Variants in FAM3B observed in about 807,000 individuals in gnomAD.
FAM3B encodes the protein protein FAM3B.
In FAM3B, 29 loss-of-function variants were observed where a neutral mutation model predicts 28.4. The ratio of observed to expected loss-of-function variants is 1.02; its 90% confidence interval spans 0.76 to 1.39. The LOEUF (loss-of-function observed/expected upper bound fraction) is 1.39. Ranked by LOEUF, FAM3B falls within the 40% of genes most tolerant of loss-of-function variation. The pLI is 0.00. For missense variants in FAM3B, 266 were observed against 293.9 expected (o/e 0.91, Z 0.69); for synonymous variants, 91 against 103.0 (o/e 0.88, Z 0.71).
At chr21:41,342,364 T>C (rs1183737395) in intron 3 of FAM3B, among the ~76,000 whole-genome samples, 1 of 152,204 alleles carries the variant, frequency 6.6e-6, no homozygotes, top group Non-Finnish European at 1.5e-5. Context: ...CTTAAATTGG[T>C]AGGTATTGAA....
intron 4 of FAM3B, 143 bp from the exon 5 acceptor site, chr21:41,345,543 G>C: frequency 1.8e-6 from 1 of 554,134 alleles, no homozygotes; most frequent in Non-Finnish European, 3.2e-6. Context: ...GGCCCGCCCT[G>C]TCTCTGCAGG....
intron 7 of FAM3B, among the ~76,000 whole-genome samples, chr21:41,352,966 A>C (rs1480250372): frequency 6.6e-6 from 1 of 152,210 alleles, no homozygotes; most frequent in Non-Finnish European, 1.5e-5. Flanking sequence ...AAGTTTAGCG[A>C]AGTTGCAGGA....
chr21:41,312,590 C>A (rs2088721138), upstream of FAM3B, among the ~76,000 whole-genome samples: 1 of 152,092 alleles, frequency 6.6e-6, no homozygotes, highest in South Asian at 2.1e-4. Context: ...AAACATTAAG[C>A]CAAATATCTT....
chr21:41,315,771 G>C (rs1474427518), upstream of FAM3B, among the ~76,000 whole-genome samples: 2 of 152,146 alleles, frequency 1.3e-5, no homozygotes, highest in African/African-American at 4.8e-5. Context: ...CAGGACATGT[G>C]TCCCTAGAAC....
intron 1 of FAM3B, chr21:41,320,549 C>T (rs2088792944): frequency 6.6e-6 from 1 of 152,298 alleles, no homozygotes; most frequent in Non-Finnish European, 1.5e-5. Context: ...TGGGATACTT[C>T]CATGACTTTG....
chr21:41,354,288 T>C (rs2089146233), intron 7 of FAM3B, among the ~76,000 whole-genome samples: 1 of 152,240 alleles, frequency 6.6e-6, no homozygotes, highest in Admixed American at 6.5e-5. Context: ...TTACTGGGAA[T>C]ATTCCTAACA....
In FAM3B at chr21:41,326,556, G is replaced by T. The variant is rs1321997160; in HGVS notation, c.163+3490G>T. Among the ~76,000 whole-genome samples, 1 of 152,258 alleles carries T rather than the reference G, an allele frequency of 6.6e-6. No homozygotes were observed. Among genetic ancestry groups the T allele is most frequent in the Non-Finnish European group, 1.5e-5 (1 of 68,040 alleles). On this transcript the variant is annotated intron_variant, in intron 2 of 7. Coordinates refer to ENST00000357985, the MANE Select transcript of FAM3B (RefSeq NM_058186.4). The surrounding 1 kb of genome is among the most constrained non-coding windows in gnomAD (Gnocchi z 4.0). ...CTCACTTTGCAGAGCGCCAGGGGCT[G>T]CAAGTCTAGAAGCTGGGGAGGAGGC...
Position 41,311,249 on chromosome 21 carries a change from AAAATATATATATATATATATATATATAT to A in FAM3B, n.99+6941_99+6968del, listed in dbSNP as rs1386479027. The stretch of plus-strand genomic sequence containing the variant: ...ACCCTGTCTCTACAAAAAAAAAAAA[AAAATATATATATATATATATATATATAT>A]ATATATATATATATATATATGTATA... On this transcript the variant is annotated intron_variant and non_coding_transcript_variant, in intron 1 of 9. Transcript: ENST00000479810. 3.4e-4 allele frequency among the ~76,000 whole-genome samples: 19 copies of A among 56,644 alleles called. 1 individual carries two copies. The highest frequency in any genetic ancestry group is 0.013 in the Middle Eastern group (2 of 154). The allele number at this position is 56,644 out of a possible 152,430, so 37.2% of individuals were successfully genotyped here.
At chr21:41,330,880 T>C (rs1373032869) in intron 2 of FAM3B, among the ~76,000 whole-genome samples, 1 of 152,272 alleles carries the variant, frequency 6.6e-6, no homozygotes, top group Non-Finnish European at 1.5e-5. Flanking sequence ...ATTTGGCTAT[T>C]GTGAATAATG....
At chr21:41,350,095 G>A (rs1461716165) in intron 7 of FAM3B, among the ~76,000 whole-genome samples, 2 of 152,216 alleles carry the variant, frequency 1.3e-5, no homozygotes, top group Non-Finnish European at 2.9e-5. Flanking sequence ...CCACACAATA[G>A]TGAAGCCGGG....
At chr21:41,351,957 C>A (rs2089123973) in intron 7 of FAM3B, among the ~76,000 whole-genome samples, 1 of 152,196 alleles carries the variant, frequency 6.6e-6, no homozygotes, top group Admixed American at 6.5e-5. Flanking sequence ...ACTTCATAGG[C>A]CTGCGCCTCT....
chr21:41,348,462 A>T, intron 6 of FAM3B, 130 bp from the exon 7 acceptor site: 2 of 969,932 alleles, frequency 2.1e-6, no homozygotes, highest in Non-Finnish European at 3.1e-6. Context: ...TGTGTCATGC[A>T]CTGCAGCAGG....
chr21:41,345,018 G>A (rs2089043232), intron 4 of FAM3B, among the ~76,000 whole-genome samples: 1 of 152,266 alleles, frequency 6.6e-6, no homozygotes, highest in African/African-American at 2.4e-5. Flanking sequence ...GCCCAGAGGA[G>A]AAGGAAAGGG....
At chr21:41,345,636 G>A (rs201937890) in intron 4 of FAM3B, 50 bp from the exon 5 acceptor site, 155 of 1,142,400 alleles carry the variant, frequency 1.4e-4, no homozygotes, top group South Asian at 2.1e-4. Context: ...CCACAAGTGC[G>A]CCCTAGTTCT....
chr21:41,306,295 C>T (rs1378873361), intron 1 of FAM3B, among the ~76,000 whole-genome samples: 2 of 152,198 alleles, frequency 1.3e-5, no homozygotes. Context: ...TTCTTCCAAA[C>T]TCCTTTTAAT....
chr21:41,333,131 GTT>G (rs57632341), intron 2 of FAM3B, among the ~76,000 whole-genome samples: 7 of 128,876 alleles, frequency 5.4e-5, no homozygotes, highest in Middle Eastern at 4.1e-3. Flanking sequence ...TGTGTTTCTG[GTT>G]TTTTTTTTTT....
At chr21:41,323,194 A>C in intron 2 of FAM3B, 128 bp downstream of exon 2, 1 of 1,287,298 alleles carries the variant, frequency 7.8e-7, no homozygotes, top group Non-Finnish European at 1.1e-6. Flanking sequence ...GGAGGAGAGA[A>C]GCATTTTGCA....
chr21:41,328,928 G>A (rs2088880063), intron 2 of FAM3B, among the ~76,000 whole-genome samples: 1 of 152,224 alleles, frequency 6.6e-6, no homozygotes, highest in Non-Finnish European at 1.5e-5. Flanking sequence ...TTGCTCTGAT[G>A]TCGCAGCACT....
Position 41,357,250 on chromosome 21 carries a change from C to T in FAM3B, c.*53C>T, listed in dbSNP as rs1410403834. ...CTGTATAAACAAATGCAGCTGGAATCGCTCAAGAATCTTATTTTTCTAAAT... is the reference window on the plus strand; with the variant it reads ...CTGTATAAACAAATGCAGCTGGAATTGCTCAAGAATCTTATTTTTCTAAAT... On this transcript the variant is annotated 3_prime_UTR_variant, in exon 8 of 8. Coordinates refer to ENST00000357985, the MANE Select transcript of FAM3B (RefSeq NM_058186.4). 4.7e-6 allele frequency: 6 copies of T among 1,278,184 alleles called. No individual in the cohort carries two copies. The highest frequency in any genetic ancestry group is 2.4e-5 in the East Asian group (1 of 41,004). 79.2% of individuals were successfully genotyped at this position (1,278,184 alleles called of 1,614,324 possible).
Sources: allele counts gnomAD v4.1 joint callset (sites outside exome capture counted in the v4.1 genomes callset), GRCh38; gene constraint gnomAD v4.1.1; non-coding constraint Gnocchi (gnomAD v3.1); transcripts MANE v1.5; gene names NCBI Gene and HGNC (gene_info 2026-07-23, HGNC 2026-07-21).